CCNY: variants seen among roughly 807,000 people sequenced by gnomAD.
The protein encoded by CCNY is cyclin-Y.
Under a neutral mutation model 42.8 loss-of-function variants are expected in CCNY, and 19 were observed. The observed-to-expected ratio is 0.44, with a 90% CI of 0.31 to 0.65. CCNY has a LOEUF of 0.65. Ranked by LOEUF, CCNY falls within the 30% of genes least tolerant of loss-of-function variation. The pLI, the probability that CCNY is intolerant of heterozygous loss-of-function variation, is 0.07. For synonymous variants in CCNY, 165 were observed against 162.7 expected (o/e 1.01, Z -0.11); for missense variants, 370 against 437.3 (o/e 0.85, Z 1.37).
chr10:35,547,192 C>T (rs1024924250), intron 7 of CCNY, among the ~76,000 whole-genome samples: 3 of 152,088 alleles, frequency 2.0e-5, no homozygotes, highest in Non-Finnish European at 2.9e-5. Context: ...TGAAGAGTTA[C>T]GATGTTCACA....
chr10:35,522,976 C>T (rs7072266), intron 4 of CCNY, among the ~76,000 whole-genome samples: 57,601 of 151,954 alleles, frequency 0.38, 11,448 homozygotes, highest in African/African-American at 0.5. Flanking sequence ...CCTGGCTGTT[C>T]GGGTGAATGC....
chr10:35,348,086 C>T (rs1836345204), intron 1 of CCNY, among the ~76,000 whole-genome samples: 1 of 152,130 alleles, frequency 6.6e-6, no homozygotes, highest in Non-Finnish European at 1.5e-5. Flanking sequence ...AGCTGTGAAC[C>T]GTTATTGCAC....
chr10:35,533,481 G>A (rs1019606191), intron 7 of CCNY, among the ~76,000 whole-genome samples: 4 of 152,060 alleles, frequency 2.6e-5, no homozygotes, highest in African/African-American at 7.3e-5. Flanking sequence ...TGGATGTACC[G>A]GACACACACC....
At chr10:35,260,564 TG>T (rs1184072312) in intron 3 of CCNY, among the ~76,000 whole-genome samples, 1 of 152,266 alleles carries the variant, frequency 6.6e-6, no homozygotes, top group Non-Finnish European at 1.5e-5. Context: ...TGGCTGTGCA[TG>T]AAAATTGCCT....
chr10:35,455,371 T>C (rs1839005197), intron 1 of CCNY: 1 of 152,214 alleles, frequency 6.6e-6, no homozygotes, highest in African/African-American at 2.4e-5. Context: ...GGGAATCTAC[T>C]AGAGGGCCCT....
At chr10:35,438,324 A>AG (rs71523379) in intron 1 of CCNY, among the ~76,000 whole-genome samples, 42,598 of 151,512 alleles carry the variant, frequency 0.28, 6,342 homozygotes, top group Admixed American at 0.35. Flanking sequence ...AATTAAAAAA[A>AG]AAATTTTTTT....
intron 1 of CCNY, chr10:35,394,981 C>G: frequency 6.7e-6 from 2 of 299,062 alleles, no homozygotes; most frequent in Non-Finnish European, 9.8e-6. Context: ...TTCCCACCCT[C>G]CCCCGCCCCA....
chr10:35,388,964 T>C (rs952425524), intron 1 of CCNY, among the ~76,000 whole-genome samples: 1 of 152,220 alleles, frequency 6.6e-6, no homozygotes, highest in Non-Finnish European at 1.5e-5. Context: ...TTCTGCCTTC[T>C]TCTTCCACTT....
At position 35,572,305 on chromosome 10, in the gene CCNY, GGA is replaced by G. The variant is rs1445148675; in HGVS notation, c.*3137_*3138del. On this transcript the variant is annotated 3_prime_UTR_variant, in exon 10 of 10. Coordinates refer to ENST00000374704, the MANE Select transcript of CCNY (RefSeq NM_145012.6). ...ATTTTTTTTTTTCTTTTTTTGAGAT[GGA>G]GTCTCGCTCTTGTCACCCAGGCTGG... The G allele has an allele frequency of 6.6e-6, 1 of 151,348 alleles. No individual in the cohort carries two copies. The highest frequency in any genetic ancestry group is 6.6e-5 in the Admixed American group (1 of 15,206). 9.4% of individuals were successfully genotyped at this position (151,348 alleles called of 1,614,324 possible).
intron 1 of CCNY, among the ~76,000 whole-genome samples, chr10:35,431,004 C>CT (rs1316737647): frequency 6.6e-6 from 1 of 151,610 alleles, no homozygotes; most frequent in Non-Finnish European, 1.5e-5. Flanking sequence ...GTAGTCCCAG[C>CT]TACTCAGGAG....
intron 2 of CCNY, among the ~76,000 whole-genome samples, chr10:35,495,845 C>T (rs1453627921): frequency 2.6e-5 from 4 of 152,172 alleles, no homozygotes; most frequent in African/African-American, 7.2e-5. Flanking sequence ...GGGCAGGAGC[C>T]TCCATGTGCA....
chr10:35,247,652 G>A (rs191934138), intron 1 of CCNY, among the ~76,000 whole-genome samples: 49 of 151,590 alleles, frequency 3.2e-4, no homozygotes, highest in Admixed American at 6.6e-4. Context: ...TGAGGCGGGC[G>A]GATCACAACG....
In CCNY at chr10:35,569,364, G is replaced by T. The variant is rs1043554115; in HGVS notation, c.*194G>T. 3 of 581,494 alleles carry T rather than the reference G, an allele frequency of 5.2e-6. No individual in the cohort carries two copies. Among genetic ancestry groups the T allele is most frequent in the African/African-American group, 3.7e-5 (2 of 53,622 alleles). The allele number at this position is 581,494 out of a possible 1,614,324, so 36.0% of individuals were successfully genotyped here. On this transcript the variant is annotated 3_prime_UTR_variant, in exon 10 of 10. Transcript: ENST00000374704. Reference sequence around the variant, plus strand: ...GTCAGTGCCCTGGAGATCCCAGCTCGCTCTCCCCACTGTCAGCAACAGCAC... The same window carrying T: ...GTCAGTGCCCTGGAGATCCCAGCTCTCTCTCCCCACTGTCAGCAACAGCAC...
chr10:35,300,763 C>T (rs1343145262), intron 3 of CCNY, among the ~76,000 whole-genome samples: 1 of 151,976 alleles, frequency 6.6e-6, no homozygotes, highest in Non-Finnish European at 1.5e-5. Flanking sequence ...AATGTAAGCT[C>T]TATTATTTAT....
chr10:35,264,070 C>G (rs1013243993), intron 3 of CCNY, among the ~76,000 whole-genome samples: 21 of 152,094 alleles, frequency 1.4e-4, no homozygotes, highest in African/African-American at 4.8e-4. Context: ...TTTCTTTATC[C>G]AGTCTATCAC....
chr10:35,249,755 G>A (rs12098720), intron 2 of CCNY, among the ~76,000 whole-genome samples: 54,804 of 151,982 alleles, frequency 0.36, 10,280 homozygotes, highest in African/African-American at 0.46. Context: ...AAAAGATCTG[G>A]GATCTAAAGT....
intron 1 of CCNY, among the ~76,000 whole-genome samples, chr10:35,372,833 G>GA (rs1355937173): frequency 1.1e-4 from 16 of 152,152 alleles, no homozygotes; most frequent in Non-Finnish European, 1.5e-4. Flanking sequence ...CCGAGCAGCT[G>GA]GCGTTACAGG....
chr10:35,290,000 C>T (rs187714770), intron 3 of CCNY, among the ~76,000 whole-genome samples: 2 of 151,682 alleles, frequency 1.3e-5, no homozygotes, highest in Non-Finnish European at 2.9e-5. Context: ...CCAAGGCAGG[C>T]GGATCACGAG....
At chr10:35,532,991 G>C (rs911951873) in intron 7 of CCNY, among the ~76,000 whole-genome samples, 1 of 152,254 alleles carries the variant, frequency 6.6e-6, no homozygotes, top group African/African-American at 2.4e-5. Context: ...TCAGGCTGTA[G>C]AATGAGGCCC....
Sources: gnomAD v4.1 joint callset for allele counts (sites outside exome capture counted in the v4.1 genomes callset) on GRCh38, gnomAD v4.1.1 for gene constraint, MANE v1.5 for transcripts, NCBI Gene and HGNC (gene_info 2026-07-23, HGNC 2026-07-21) for gene names.